DCAKD: variants seen among roughly 807,000 people sequenced by gnomAD.
DCAKD encodes the protein dephospho-CoA kinase domain containing.
DCAKD carries 15 observed loss-of-function variants against 18.7 expected under a neutral mutation model. That is an observed-to-expected ratio of 0.80 (90% CI 0.54 to 1.24). The LOEUF is 1.24. DCAKD is among the 50% of genes most tolerant of loss of function. The probability of loss-of-function intolerance (pLI) is 0.00; values close to 1 mark genes in which losing one functional copy is unlikely to be tolerated. For synonymous variants in DCAKD, 130 were observed against 133.0 expected (o/e 0.98, Z 0.16); for missense variants, 301 against 322.0 (o/e 0.93, Z 0.50).
chr17:45,059,081 A>T (rs1231437810), intron 1 of DCAKD, among the ~76,000 whole-genome samples: 1 of 152,078 alleles, frequency 6.6e-6, no homozygotes, highest in African/African-American at 2.4e-5. Flanking sequence ...TCTACTAAAA[A>T]TACAAAAAAT....
chr17:45,031,220 C>T, intron 3 of DCAKD: 2 of 985,332 alleles, frequency 2.0e-6, no homozygotes, highest in Non-Finnish European at 2.4e-6. Flanking sequence ...CAAAGTGATG[C>T]AGGGACAATG....
intron 1 of DCAKD, among the ~76,000 whole-genome samples, chr17:45,035,899 C>T (rs1457111817): frequency 3.9e-5 from 6 of 152,164 alleles, no homozygotes; most frequent in African/African-American, 1.2e-4. Flanking sequence ...TAGATGGAGA[C>T]GCACAATCCT....
In DCAKD at chr17:45,034,928, G is replaced by A. The variant is rs775325314; in HGVS notation, c.-43C>T. Reference sequence around the variant, plus strand: ...TGTCCGCGAGACTACGGAGCCAGGAGCTACAGAATCACTGGAGAGCAGGGC... The same window carrying A: ...TGTCCGCGAGACTACGGAGCCAGGAACTACAGAATCACTGGAGAGCAGGGC... On this transcript the variant is annotated 5_prime_UTR_variant, in exon 2 of 5. Transcript: ENST00000651974. 1.2e-6 allele frequency: 2 copies of A among 1,602,442 alleles called. No individual in the cohort carries two copies. The highest frequency in any genetic ancestry group is 1.1e-5 in the South Asian group (1 of 90,060).
intron 1 of DCAKD, 113 bp downstream of exon 1, chr17:45,051,248 C>A (rs2053687464): frequency 6.6e-6 from 1 of 152,206 alleles, no homozygotes; most frequent in African/African-American, 2.4e-5. Flanking sequence ...AATCTCCAGC[C>A]CTTTCTAGCT....
At chr17:45,058,634 C>G (rs1012642164) in intron 1 of DCAKD, among the ~76,000 whole-genome samples, 9 of 151,342 alleles carry the variant, frequency 5.9e-5, no homozygotes, top group Non-Finnish European at 1.2e-4. Flanking sequence ...GTTGGCCAGG[C>G]TGGTCTCGAA....
chr17:45,041,335 G>C (rs940690807), intron 1 of DCAKD, among the ~76,000 whole-genome samples: 1 of 146,310 alleles, frequency 6.8e-6, no homozygotes, highest in African/African-American at 2.5e-5. Context: ...TTTTTGAGAC[G>C]GAGTCTGGCT....
chr17:45,040,466 C>G (rs1391733126), intron 1 of DCAKD, among the ~76,000 whole-genome samples: 2 of 151,522 alleles, frequency 1.3e-5, no homozygotes, highest in South Asian at 4.2e-4. Context: ...TCTTCCTCCT[C>G]AACACCAAAA....
At chr17:45,025,822 G>C (rs1025871228) in intron 4 of DCAKD, among the ~76,000 whole-genome samples, 6 of 145,876 alleles carry the variant, frequency 4.1e-5, no homozygotes, top group African/African-American at 1.5e-4. Flanking sequence ...CGTGATCTTG[G>C]CTCACTGCAA....
At chr17:45,049,826 TCTC>T (rs2053652966) in intron 1 of DCAKD, among the ~76,000 whole-genome samples, 1 of 148,910 alleles carries the variant, frequency 6.7e-6, no homozygotes, top group Non-Finnish European at 1.5e-5. Context: ...TTCAAGTGAT[TCTC>T]CTACCTCGAC....
chr17:45,041,791 T>C (rs2053443025), intron 1 of DCAKD, among the ~76,000 whole-genome samples: 1 of 151,218 alleles, frequency 6.6e-6, no homozygotes, highest in South Asian at 2.1e-4. Context: ...ACAGTACCAG[T>C]AAGTGTGGTG....
At chr17:45,031,432 G>T (rs1006722833) in intron 3 of DCAKD, 3 of 954,208 alleles carry the variant, frequency 3.1e-6, no homozygotes, top group Non-Finnish European at 3.7e-6. Flanking sequence ...GTGTAAATGA[G>T]TAAAAAGAAT....
chr17:45,030,249 G>A, intron 3 of DCAKD, 70 bp from the exon 4 acceptor site: 1 of 1,441,918 alleles, frequency 6.9e-7, no homozygotes, highest in Non-Finnish European at 9.8e-7. Flanking sequence ...GATATGCTGG[G>A]CCCCACCGTC....
At position 45,060,531 on chromosome 17, in the gene DCAKD, GAAAGA is replaced by G. The variant is rs552408393; in HGVS notation, c.-118+352_-118+356del. On this transcript the variant is annotated intron_variant, in intron 1 of 4. Coordinates refer to the DCAKD transcript ENST00000310604. Reference sequence around the variant, plus strand: ...ATTTAAAAAAGAAAAAAGAAAGAAAGAAAGAAAAGAAAAGAAAAAAAGGGTCGTTG... The same window carrying G: ...ATTTAAAAAAGAAAAAAGAAAGAAAGAAAGAAAAGAAAAAAAGGGTCGTTG... 2.4e-4 allele frequency among the ~76,000 whole-genome samples: 37 copies of G among 152,066 alleles called. No homozygotes were observed. In the Middle Eastern group the frequency reaches 0.014, roughly 56 times the overall value.
At chr17:45,025,898 T>C (rs948085843) in intron 4 of DCAKD, among the ~76,000 whole-genome samples, 1 of 151,576 alleles carries the variant, frequency 6.6e-6, no homozygotes, top group African/African-American at 2.4e-5. Flanking sequence ...ATTACTGGCA[T>C]GCGCCACTAA....
rs769238846 is a variant in DCAKD, at chr17:45,034,208, T to A, written c.295A>T (p.Thr99Ser). The change falls in exon 3 of 5, where the codon ACG (threonine) becomes TCG (serine). Residue 99 changes from threonine (T) to serine (S), a missense_variant. Physicochemically the swap from Thr to Ser is moderately conservative, Grantham distance 58 (BLOSUM62 1). Transcript: ENST00000651974. ...TTACCCCGGAGGAAGTACTTGAACG[T>A]CTCCTTCATCATCTCCTTGCGAATC... ...PEIRKEMMKE[T>S]FKYFLRGYRY... 1.2e-6 allele frequency: 2 copies of A among 1,612,884 alleles called. No individual in the cohort carries two copies. Among genetic ancestry groups the A allele is most frequent in the Non-Finnish European group, 1.7e-6 (2 of 1,179,602 alleles).
intron 3 of DCAKD, among the ~76,000 whole-genome samples, chr17:45,033,387 CCT>C (rs1320107013): frequency 6.6e-6 from 1 of 152,172 alleles, no homozygotes; most frequent in Non-Finnish European, 1.5e-5. Flanking sequence ...CAAACCTGCC[CCT>C]GACTGCAGTT....
At chr17:45,040,166 T>C (rs1490800075) in intron 1 of DCAKD, among the ~76,000 whole-genome samples, 1 of 150,736 alleles carries the variant, frequency 6.6e-6, no homozygotes, top group East Asian at 1.9e-4. Flanking sequence ...GGCGGGAGGA[T>C]CACCTGAGGT....
At chr17:45,040,978 TA>T (rs1444983853) in intron 1 of DCAKD, among the ~76,000 whole-genome samples, 1 of 152,112 alleles carries the variant, frequency 6.6e-6, no homozygotes, top group Non-Finnish European at 1.5e-5. Flanking sequence ...ATGGGCTAAA[TA>T]AAGCCCTACT....
chr17:45,058,008 C>CAAA (rs1183133616), intron 1 of DCAKD, among the ~76,000 whole-genome samples: 14 of 28,954 alleles, frequency 4.8e-4, no homozygotes, highest in Admixed American at 6.7e-4. Flanking sequence ...GATTCCGTCT[C>CAAA]AAAAAAAAAA....
Sources: gnomAD v4.1 joint callset for allele counts (sites outside exome capture counted in the v4.1 genomes callset) on GRCh38, gnomAD v4.1.1 for gene constraint, MANE v1.5 for transcripts, NCBI Gene and HGNC (gene_info 2026-07-23, HGNC 2026-07-21) for gene names.